GPC6: variants seen among roughly 807,000 people sequenced by gnomAD.
GPC6 encodes the protein glypican-6.
GPC6 carries 14 observed loss-of-function variants against 55.2 expected under a neutral mutation model. The ratio of observed to expected loss-of-function variants is 0.25; its 90% CI spans 0.17 to 0.40. The LOEUF (loss-of-function observed/expected upper bound fraction) is 0.40, where lower values mean the gene tolerates loss of function less well. Among genes scored for constraint, GPC6 ranks in the 10% least tolerant of loss-of-function variants. GPC6 has a pLI of 1.00. For synonymous variants in GPC6, 278 were observed against 259.6 expected, an observed-to-expected ratio of 1.07 and a Z score of -0.68; for missense variants, 641 against 708.5, an observed-to-expected ratio of 0.90 and a Z score of 1.08.
chr13:93,257,240 C>A (rs1876985388), intron 1 of GPC6, among the ~76,000 whole-genome samples: 1 of 151,944 alleles, frequency 6.6e-6, no homozygotes, highest in African/African-American at 2.4e-5. Context: ...GTGGCTGGGG[C>A]TGCAATAAGC....
At chr13:93,293,839 T>C (rs970377682) in intron 1 of GPC6, among the ~76,000 whole-genome samples, 1 of 151,274 alleles carries the variant, frequency 6.6e-6, no homozygotes, top group African/African-American at 2.5e-5. Context: ...TTCAGCTTCA[T>C]TTCCTTCTAA....
chr13:93,552,439 TCTC>T (rs71706553), intron 2 of GPC6, among the ~76,000 whole-genome samples: 5,501 of 150,928 alleles, frequency 0.036, 225 homozygotes, highest in African/African-American at 0.1. Flanking sequence ...GCCTTCCTTC[TCTC>T]CTCCTCCTCC....
intron 1 of GPC6, among the ~76,000 whole-genome samples, chr13:93,407,415 G>T (rs1391827821): frequency 6.6e-6 from 1 of 151,984 alleles, no homozygotes; most frequent in Non-Finnish European, 1.5e-5. Flanking sequence ...CCAACTCATT[G>T]TATTTTATGG....
chr13:94,023,709 G>A (rs1031797531), intron 3 of GPC6, among the ~76,000 whole-genome samples: 1 of 151,922 alleles, frequency 6.6e-6, no homozygotes, highest in Non-Finnish European at 1.5e-5. Context: ...TAATAAGAAA[G>A]TAATGGAAAC....
chr13:94,063,395 C>A (rs1399953249), intron 4 of GPC6, among the ~76,000 whole-genome samples: 1 of 152,194 alleles, frequency 6.6e-6, no homozygotes, highest in East Asian at 1.9e-4. Context: ...TGTAGCTATG[C>A]TTAGCTGTGG....
At chr13:93,765,244 A>ACAACTTTCCAGATAAGCTGTCTGGAAAGT (rs2138882962) in intron 2 of GPC6, among the ~76,000 whole-genome samples, 1 of 78,532 alleles carries the variant, frequency 1.3e-5, no homozygotes, top group Non-Finnish European at 3.7e-5. Context: ...GTCTGGAAAG[A>ACAACTTTCCAGATAAGCTGTCTGGAAAGT]CAACTTTCCA....
intron 2 of GPC6, among the ~76,000 whole-genome samples, chr13:93,789,841 GTTTGGGTTGTGA>G (rs1280407146): frequency 6.6e-6 from 1 of 150,766 alleles, no homozygotes; most frequent in East Asian, 2.0e-4. Flanking sequence ...ACAAGTGAGA[GTTTGGGTTGTGA>G]TTTTAGGCAT....
intron 2 of GPC6, among the ~76,000 whole-genome samples, chr13:93,587,444 G>T (rs1421119017): frequency 2.0e-5 from 3 of 152,116 alleles, no homozygotes. Context: ...GGATTAAAAA[G>T]ACAAACTCAT....
At chr13:93,655,455 A>G (rs960213492) in intron 2 of GPC6, among the ~76,000 whole-genome samples, 2 of 152,126 alleles carry the variant, frequency 1.3e-5, no homozygotes, top group African/African-American at 4.8e-5. Context: ...TCCTTTGATA[A>G]GGCAAGGCGG....
intron 3 of GPC6, among the ~76,000 whole-genome samples, chr13:93,890,437 A>T (rs1875603325): frequency 6.6e-6 from 1 of 152,076 alleles, no homozygotes; most frequent in African/African-American, 2.4e-5. Context: ...GTATTTGTCG[A>T]TGGATGGGTG....
At chr13:93,813,528 T>G (rs1231539975) in intron 2 of GPC6, among the ~76,000 whole-genome samples, 1 of 152,200 alleles carries the variant, frequency 6.6e-6, no homozygotes, top group Non-Finnish European at 1.5e-5. Context: ...CATTTTATCT[T>G]AAAGATACAA....
At chr13:93,591,537 G>A (rs191377615) in intron 2 of GPC6, among the ~76,000 whole-genome samples, 121 of 151,052 alleles carry the variant, frequency 8.0e-4, no homozygotes, top group African/African-American at 2.7e-3. Context: ...TGTAACTTTT[G>A]CATTCCATAA....
chr13:93,432,148 T>C (rs1389447393), intron 1 of GPC6, among the ~76,000 whole-genome samples: 1 of 152,082 alleles, frequency 6.6e-6, no homozygotes, highest in Admixed American at 6.6e-5. Flanking sequence ...AACTAATAAT[T>C]ATTGAGCACA....
intron 2 of GPC6, among the ~76,000 whole-genome samples, chr13:93,667,597 T>C (rs1367171182): frequency 1.3e-5 from 2 of 152,132 alleles, no homozygotes; most frequent in Non-Finnish European, 2.9e-5. Context: ...CATGCCAGGC[T>C]AATTTTTGTA....
chr13:94,374,647 T>A (rs1879749349), intron 6 of GPC6, among the ~76,000 whole-genome samples: 1 of 151,100 alleles, frequency 6.6e-6, no homozygotes, highest in African/African-American at 2.5e-5. Flanking sequence ...CATTAGACAG[T>A]TCAACGAGAC....
intron 1 of GPC6, among the ~76,000 whole-genome samples, chr13:93,435,451 C>A (rs1877536297): frequency 6.7e-6 from 1 of 150,292 alleles, no homozygotes. Context: ...TCATATGTCA[C>A]TTTACCAAAT....
Position 94,031,093 on chromosome 13 carries a change from C to T in GPC6, c.877+3199C>T, listed in dbSNP as rs201791568. ...GCGTGTGCGTGTGCGTGTGTGTGTG[C>T]GTGTGTGTGTGCGTGCATGTGTGTG... On this transcript the variant is annotated intron_variant, in intron 4 of 8. Transcript: ENST00000377047. 5.4e-5 allele frequency among the ~76,000 whole-genome samples: 8 copies of T among 148,594 alleles called. No homozygotes were observed. In the East Asian group the frequency reaches 6.1e-4, roughly 11 times the overall value.
chr13:93,817,818 G>A (rs189070873), intron 2 of GPC6, among the ~76,000 whole-genome samples: 1,906 of 151,722 alleles, frequency 0.013, 40 homozygotes, highest in African/African-American at 0.043. Flanking sequence ...AGATGGTGCC[G>A]CTGCACTTCA....
At chr13:94,079,731 A>G (rs921566792) in intron 4 of GPC6, among the ~76,000 whole-genome samples, 33 of 152,208 alleles carry the variant, frequency 2.2e-4, no homozygotes, top group African/African-American at 6.5e-4. Context: ...TTCCATAACC[A>G]TTGTAAAATC....
Sources: gnomAD v4.1 joint callset for allele counts (sites outside exome capture counted in the v4.1 genomes callset) on GRCh38, gnomAD v4.1.1 for gene constraint, MANE v1.5 for transcripts, NCBI Gene and HGNC (gene_info 2026-07-23, HGNC 2026-07-21) for gene names.